ABL1: variants seen among roughly 807,000 people sequenced by gnomAD.
ABL1 encodes the protein tyrosine-protein kinase ABL1.
A neutral mutation model predicts 94.7 loss-of-function variants in ABL1; 11 were observed. The observed-to-expected ratio is 0.12, with a 90% confidence interval of 0.07 to 0.19. The LOEUF (loss-of-function observed/expected upper bound fraction) is 0.19, where lower values mean the gene tolerates loss of function less well. ABL1 is among the 10% of genes least tolerant of loss of function. ABL1 has a pLI of 1.00. For synonymous variants in ABL1, 656 were observed against 622.4 expected, an observed-to-expected ratio of 1.05 and a Z score of -0.80; for missense variants, 1,082 against 1,489.4, an observed-to-expected ratio of 0.73 and a Z score of 4.50.
Position 130,804,316 on chromosome 9 carries a change from G to A in ABL1, c.137-49748G>A, listed in dbSNP as rs1278170067. Reference sequence around the variant, plus strand: ...GGATCTCGGCAGTGAGCTCACACCAGTGGCTCACACTTGTAATCCCAGCAC... The same window carrying A: ...GGATCTCGGCAGTGAGCTCACACCAATGGCTCACACTTGTAATCCCAGCAC... On this transcript the variant is annotated intron_variant, in intron 1 of 10. Transcript: ENST00000372348. Among the ~76,000 whole-genome samples the A allele has an allele frequency of 1.2e-4, 18 of 152,304 alleles. No individual in the cohort carries two copies. In the South Asian group the frequency reaches 2.7e-3, roughly 23 times the overall value.
At chr9:130,822,804 CT>C (rs1222567163) in intron 1 of ABL1, among the ~76,000 whole-genome samples, 4 of 147,822 alleles carry the variant, frequency 2.7e-5, no homozygotes, top group East Asian at 3.9e-4. Flanking sequence ...GGTACAAGTT[CT>C]TTTTTTTTTC....
upstream of ABL1, among the ~76,000 whole-genome samples, chr9:130,832,998 G>A (rs1830510536): frequency 6.6e-6 from 1 of 152,100 alleles, no homozygotes; most frequent in African/African-American, 2.4e-5. Flanking sequence ...AAATTAAAAA[G>A]ATTTGGGTAC....
intron 1 of ABL1, among the ~76,000 whole-genome samples, chr9:130,817,388 G>A (rs939629849): frequency 1.3e-5 from 2 of 152,332 alleles, no homozygotes; most frequent in Non-Finnish European, 2.9e-5. Flanking sequence ...GTCATGGCCT[G>A]TTCCTCTTCC....
intron 4 of ABL1, among the ~76,000 whole-genome samples, chr9:130,866,777 A>G (rs1374503865): frequency 6.6e-6 from 1 of 152,218 alleles, no homozygotes; most frequent in African/African-American, 2.4e-5. Context: ...GGCAGGACAT[A>G]GTCTTGCTAT....
rs777134913 is a variant in ABL1 at position 130,884,986 on chromosome 9, C to T, written c.2696C>T (p.Pro899Leu). 27 of 1,610,980 alleles carry T rather than the reference C, an allele frequency of 1.7e-5. No individual in the cohort carries two copies. Among genetic ancestry groups the T allele is most frequent in the African/African-American group, 4.0e-5 (3 of 75,024 alleles). Residue 899 changes from proline (P) to leucine (L), a missense_variant, in exon 11 of 11, where the codon CCG becomes CTG. By Grantham distance (98) the Pro-to-Leu change is moderately conservative. Transcript: ENST00000318560. This position sits in a 1 kb window ranked among gnomAD's most constrained non-coding sequence, Gnocchi z 5.6. ...KGKLSRLKPA[P>L]PPPPAASAGK... is the part of the protein sequence containing the mutation. ...AAATTGTCCAGGCTCAAACCTGCCC[C>T]GCCGCCCCCACCAGCAGCCTCTGCA... is the stretch of plus-strand genomic sequence containing the variant.
chr9:130,761,719 C>G, intron 1 of ABL1, among the ~76,000 whole-genome samples: 1 of 152,186 alleles, frequency 6.6e-6, no homozygotes, highest in East Asian at 1.9e-4. Context: ...TTTAGTAAGA[C>G]TAACCATTTC....
chr9:130,800,492 A>C (rs1245070418), intron 1 of ABL1, among the ~76,000 whole-genome samples: 1 of 151,776 alleles, frequency 6.6e-6, no homozygotes, highest in Non-Finnish European at 1.5e-5. Flanking sequence ...ACCAAAAAAC[A>C]GTTCTCTCAA....
intron 1 of ABL1, among the ~76,000 whole-genome samples, chr9:130,745,047 G>A (rs939226301): frequency 7.3e-5 from 11 of 151,508 alleles, no homozygotes; most frequent in African/African-American, 2.7e-4. Context: ...TAAAGGTAGA[G>A]TGGTGAGAAG....
At chr9:130,747,346 C>G (rs1345551420) in intron 1 of ABL1, among the ~76,000 whole-genome samples, 1 of 151,932 alleles carries the variant, frequency 6.6e-6, no homozygotes, top group African/African-American at 2.4e-5. Context: ...CCACTGTGCT[C>G]CATCCTGAGC....
At chr9:130,830,092 G>A (rs536822784) in intron 1 of ABL1, among the ~76,000 whole-genome samples, 3 of 152,156 alleles carry the variant, frequency 2.0e-5, no homozygotes, top group East Asian at 1.9e-4. Context: ...ACCATGTTAT[G>A]TATATTACTT....
chr9:130,828,265 A>G (rs1035585185), intron 1 of ABL1, among the ~76,000 whole-genome samples: 2 of 151,990 alleles, frequency 1.3e-5, no homozygotes, highest in African/African-American at 4.8e-5. Context: ...GGGTCTCACT[A>G]TGTTGCCCAG....
At chr9:130,762,923 A>AG (rs1435731348) in intron 1 of ABL1, among the ~76,000 whole-genome samples, 59 of 151,928 alleles carry the variant, frequency 3.9e-4, no homozygotes, top group Admixed American at 3.5e-3. Flanking sequence ...AAAAAAAAAA[A>AG]AAAGAAAAGG....
rs1829991807 is a variant in ABL1, at chr9:130,797,268, ACT to A, written c.137-56795_137-56794del. On this transcript the variant is annotated intron_variant, in intron 1 of 10. Transcript: ENST00000372348. ...AAAAAAAAAAAAAAAAAAAAAAAGA[ACT>A]TTGAATAAACTTCGTTGTGTCATAT... Among the ~76,000 whole-genome samples the A allele has an allele frequency of 1.7e-4, 23 of 135,108 alleles. 2 individuals carry two copies. The East Asian group carries it at 1.8e-3, about 11-fold the overall frequency. The allele number at this position is 135,108 out of a possible 152,430, so 88.6% of individuals were successfully genotyped here.
intron 4 of ABL1, among the ~76,000 whole-genome samples, chr9:130,865,765 AAAAG>A (rs1333020109): frequency 1.3e-5 from 2 of 151,708 alleles, no homozygotes; most frequent in African/African-American, 2.4e-5. Context: ...AAAAAAAAAA[AAAAG>A]CTGAAATCCT....
At chr9:130,835,216 C>T (rs562823882), upstream of ABL1, 8 of 150,640 alleles carry the variant, frequency 5.3e-5, no homozygotes, top group South Asian at 1.4e-3. The surrounding 1 kb of genome is among the most constrained non-coding windows in gnomAD (Gnocchi z 4.6). Flanking sequence ...GGCGGCGGGG[C>T]GGGGGCGGGC....
chr9:130,809,959 A>C (rs1469766181), intron 1 of ABL1, among the ~76,000 whole-genome samples: 1 of 152,264 alleles, frequency 6.6e-6, no homozygotes, highest in East Asian at 1.9e-4. Flanking sequence ...AACCTTTTCC[A>C]AACAAAAGCT....
intron 1 of ABL1, among the ~76,000 whole-genome samples, chr9:130,839,634 C>T (rs1455248034): frequency 2.6e-5 from 4 of 152,154 alleles, no homozygotes; most frequent in African/African-American, 9.7e-5. Flanking sequence ...GCAGGAGATC[C>T]CAGTTTTCCT....
upstream of ABL1, chr9:130,835,036 G>A (rs1252006726): frequency 1.8e-5 from 6 of 328,874 alleles, no homozygotes; most frequent in Non-Finnish European, 3.0e-5. This position sits in a 1 kb window ranked among gnomAD's most constrained non-coding sequence, Gnocchi z 4.6. Context: ...GGCGCTTCCA[G>A]GCGGAGAAAG....
chr9:130,758,195 C>T (rs1276353700), intron 1 of ABL1, among the ~76,000 whole-genome samples: 1 of 151,272 alleles, frequency 6.6e-6, no homozygotes, highest in African/African-American at 2.4e-5. Context: ...GAGTCTCGCT[C>T]TGTCACCCAA....
Sources: gnomAD v4.1 joint callset for allele counts (sites outside exome capture counted in the v4.1 genomes callset) on GRCh38, gnomAD v4.1.1 for gene constraint, Gnocchi (gnomAD v3.1) non-coding constraint, MANE v1.5 for transcripts, NCBI Gene and HGNC (gene_info 2026-07-23, HGNC 2026-07-21) for gene names.